The following ZNF510 variants were observed in gnomAD, a reference collection of about 807,000 sequenced individuals.
ZNF510 encodes zinc finger protein 510.
In ZNF510, 15 loss-of-function variants were observed where a neutral mutation model predicts 18.1. That is an observed-to-expected ratio of 0.83 (90% CI 0.55 to 1.28). ZNF510 has a LOEUF of 1.28. ZNF510 is among the 50% of genes most tolerant of loss of function. The pLI, the probability that ZNF510 is intolerant of heterozygous loss-of-function variation, is 0.00. For missense variants in ZNF510, 724 were observed against 791.8 expected, an observed-to-expected ratio of 0.91 and a Z score of 1.03; for synonymous variants, 261 against 266.4, an observed-to-expected ratio of 0.98 and a Z score of 0.20.
rs752312312 is a variant in ZNF510, at chr9:96,759,677, A to AT, written c.1152dup (p.Ser385IlefsTer21). ...ACTCTGTGAACCGACGTCTGGTAGG[A>AT]TTTCTTATTTTCATGATATTCAGAG... On this transcript the variant is annotated frameshift_variant, in exon 6 of 6. Coordinates refer to ENST00000223428, the MANE Select transcript of ZNF510 (RefSeq NM_014930.3). LOFTEE classifies it low-confidence loss of function (END_TRUNC). The AT allele has an allele frequency of 3.1e-6, 5 of 1,613,446 alleles. No individual in the cohort carries two copies. Among genetic ancestry groups the AT allele is most frequent in the Admixed American group, 1.7e-5 (1 of 59,986 alleles).
intron 2 of ZNF510, among the ~76,000 whole-genome samples, chr9:96,775,574 G>A (rs753959450): frequency 2.0e-5 from 3 of 152,062 alleles, no homozygotes; most frequent in South Asian, 2.1e-4. Flanking sequence ...AAAGACTTTC[G>A]ATAAGACACT....
rs1205249016 is a variant in ZNF510 at position 96,757,566 on chromosome 9, CAAAT to C, written c.*1208_*1211del. 6.6e-6 allele frequency: 1 copy of C among 152,082 alleles called. No individual in the cohort carries two copies. Among genetic ancestry groups the C allele is most frequent in the Non-Finnish European group, 1.5e-5 (1 of 68,010 alleles). The allele number at this position is 152,082 out of a possible 1,614,324, so 9.4% of individuals were successfully genotyped here. ...AAGATAACTAAATTATGTGTAGAAA[CAAAT>C]AGACTCAAACATGTGAAAGCTCAAC... On this transcript the variant is annotated 3_prime_UTR_variant, in exon 6 of 6. Coordinates refer to ENST00000223428, the MANE Select transcript of ZNF510 (RefSeq NM_014930.3).
intron 3 of ZNF510, among the ~76,000 whole-genome samples, chr9:96,773,780 T>G (rs955552086): frequency 6.6e-5 from 10 of 152,186 alleles, no homozygotes; most frequent in Admixed American, 3.3e-4. Flanking sequence ...TTCACCACGT[T>G]GGCCAGGCTG....
Position 96,772,638 on chromosome 9 carries a change from T to G in ZNF510, c.129+2150A>C, listed in dbSNP as rs117561495. 2.6e-5 allele frequency among the ~76,000 whole-genome samples: 4 copies of G among 152,262 alleles called. No individual in the cohort carries two copies. The East Asian group carries it at 7.7e-4, about 29-fold the overall frequency. ...AAAACACAAACAATGGTGCCCAACA[T>G]TAGTATTTACCATAGAAAAGCAAAT... On this transcript the variant is annotated intron_variant, in intron 3 of 5. Coordinates refer to ENST00000223428, the MANE Select transcript of ZNF510 (RefSeq NM_014930.3).
Position 96,758,403 on chromosome 9 carries a change from G to T in ZNF510, c.*375C>A. 1 of 173,440 alleles carries T rather than the reference G, an allele frequency of 5.8e-6. No individual in the cohort carries two copies. 10.7% of individuals were successfully genotyped at this position (173,440 alleles called of 1,614,324 possible). A position where few individuals can be genotyped will look rare whatever the true frequency, so the allele number is the denominator to read the frequency against. ...AGTAGCCAGTCACAAAGACCAACCTGGATGAAAAGGAGATTGGGAAATCTG... is the reference window on the plus strand; with the variant it reads ...AGTAGCCAGTCACAAAGACCAACCTTGATGAAAAGGAGATTGGGAAATCTG... On this transcript the variant is annotated 3_prime_UTR_variant, in exon 6 of 6. Transcript: ENST00000223428.
At chr9:96,762,024 TA>T (rs1162379607) in intron 5 of ZNF510, among the ~76,000 whole-genome samples, 3 of 151,834 alleles carry the variant, frequency 2.0e-5, no homozygotes, top group African/African-American at 7.3e-5. Flanking sequence ...TGCAAAGGCA[TA>T]AAAATGATAC....
chr9:96,773,883 A>T (rs928735877), intron 3 of ZNF510, among the ~76,000 whole-genome samples: 4 of 152,092 alleles, frequency 2.6e-5, no homozygotes, highest in African/African-American at 9.7e-5. Flanking sequence ...GCCCCTGTTG[A>T]CATCTTGATC....
rs778488644 is a variant in ZNF510 at position 96,755,856 on chromosome 9, TG to T, written c.*2921del. Reference sequence around the variant, plus strand: ...AAATTCTTATATCCAATGACATCAATGGAAGCGTCAGATAAAGAGACCTTTA... The same window carrying T: ...AAATTCTTATATCCAATGACATCAATGAAGCGTCAGATAAAGAGACCTTTA... On this transcript the variant is annotated 3_prime_UTR_variant, in exon 6 of 6. Coordinates refer to ENST00000223428, the MANE Select transcript of ZNF510 (RefSeq NM_014930.3). 2.0e-5 allele frequency: 3 copies of T among 152,294 alleles called. No homozygotes were observed. Among genetic ancestry groups the T allele is most frequent in the South Asian group, 2.1e-4 (1 of 4,826 alleles). The allele number at this position is 152,294 out of a possible 1,614,324, so 9.4% of individuals were successfully genotyped here. A position where few individuals can be genotyped will look rare whatever the true frequency, so the allele number is the denominator to read the frequency against.
intron 3 of ZNF510, among the ~76,000 whole-genome samples, chr9:96,769,413 G>A (rs1378920556): frequency 6.8e-6 from 1 of 147,276 alleles, no homozygotes; most frequent in Non-Finnish European, 1.5e-5. Flanking sequence ...TTCCAGCCTG[G>A]GCAACAGACA....
At chr9:96,761,932 G>A (rs140368317) in intron 5 of ZNF510, among the ~76,000 whole-genome samples, 140 of 151,860 alleles carry the variant, frequency 9.2e-4, no homozygotes, top group African/African-American at 3.3e-3. Context: ...ATATCTTTTT[G>A]TCAGTCATAC....
intron 1 of ZNF510, chr9:96,777,689 C>T (rs1425864768): frequency 2.0e-5 from 3 of 152,220 alleles, no homozygotes; most frequent in Non-Finnish European, 2.9e-5. Context: ...GGCCTCTCAC[C>T]GCAGACCCAC....
At chr9:96,775,155 G>A (rs1262547961) in intron 2 of ZNF510, among the ~76,000 whole-genome samples, 2 of 151,904 alleles carry the variant, frequency 1.3e-5, no homozygotes, top group African/African-American at 2.4e-5. Context: ...TGCCTCCTGG[G>A]TTCATGCAAT....
Position 96,756,835 on chromosome 9 carries a change from T to G in ZNF510, c.*1943A>C, listed in dbSNP as rs1294366010. On this transcript the variant is annotated 3_prime_UTR_variant, in exon 6 of 6. Coordinates refer to ENST00000223428, the MANE Select transcript of ZNF510 (RefSeq NM_014930.3). ...AAATCACCAGTCACAGAGAGAGACT[T>G]GAAGCCCAAAATGATCAGAGCTGTT... 1 of 152,228 alleles carries G rather than the reference T, an allele frequency of 6.6e-6. No homozygotes were observed. Among genetic ancestry groups the G allele is most frequent in the African/African-American group, 2.4e-5 (1 of 41,450 alleles). The allele number at this position is 152,228 out of a possible 1,614,324, so 9.4% of individuals were successfully genotyped here. A position where few individuals can be genotyped will look rare whatever the true frequency, so the allele number is the denominator to read the frequency against.
At chr9:96,775,210 C>T (rs990166462) in intron 2 of ZNF510, among the ~76,000 whole-genome samples, 5 of 152,002 alleles carry the variant, frequency 3.3e-5, no homozygotes, top group Admixed American at 3.3e-4. Flanking sequence ...AAGGCACCCA[C>T]CACTACACCC....
In ZNF510 at chr9:96,758,696, C is replaced by T; in HGVS notation, c.*82G>A. Reference sequence around the variant, plus strand: ...ACTTCTGGGACTGTCTTCTTACATTCACTACCCTCAATTGGTTTTTTGTGT... The same window carrying T: ...ACTTCTGGGACTGTCTTCTTACATTTACTACCCTCAATTGGTTTTTTGTGT... On this transcript the variant is annotated 3_prime_UTR_variant, in exon 6 of 6. Transcript: ENST00000223428. 2.1e-6 allele frequency: 3 copies of T among 1,396,108 alleles called. No individual in the cohort carries two copies. Among genetic ancestry groups the T allele is most frequent in the Non-Finnish European group, 2.9e-6 (3 of 1,035,480 alleles). 86.5% of individuals were successfully genotyped at this position (1,396,108 alleles called of 1,614,324 possible). A position where few individuals can be genotyped will look rare whatever the true frequency, so the allele number is the denominator to read the frequency against.
chr9:96,775,204 C>T (rs957327621), intron 2 of ZNF510, among the ~76,000 whole-genome samples: 17 of 152,002 alleles, frequency 1.1e-4, no homozygotes, highest in African/African-American at 4.1e-4. Flanking sequence ...GGACCAAAGG[C>T]ACCCACCACT....
rs763036488 is a variant in ZNF510, at chr9:96,759,307, C to T, written c.1523G>A (p.Arg508Lys). Residue 508 changes from arginine (R) to lysine (K), a missense_variant, in exon 6 of 6, where the codon AGA (arginine) becomes AAA (lysine). By Grantham distance (26) the Arg-to-Lys change is conservative. Transcript: ENST00000223428. ...AAAGGATTTCTCCCCTGTGTGAATT[C>T]TGTGATGATCTCTGAGGGTGGACTT... ...VQKSTLRDHH[R>K]IHTGEKSFQC... 1.2e-5 allele frequency: 20 copies of T among 1,614,006 alleles called. No homozygotes were observed. In the East Asian group the frequency reaches 4.0e-4, roughly 32 times the overall value.
intron 5 of ZNF510, among the ~76,000 whole-genome samples, chr9:96,760,692 A>G (rs1457903885): frequency 2.6e-5 from 4 of 152,192 alleles, no homozygotes; most frequent in African/African-American, 4.8e-5. Context: ...TAATGAATAC[A>G]TATTTTGCAT....
At position 96,758,635 on chromosome 9, in the gene ZNF510, T is replaced by C; in HGVS notation, c.*143A>G. On this transcript the variant is annotated 3_prime_UTR_variant, in exon 6 of 6. Transcript: ENST00000223428. ...CTGCATTCATCTTCATCTGGTTTCT[T>C]TCCTATGTGAATTCTCTGATTCACA... 2 of 827,814 alleles carry C rather than the reference T, an allele frequency of 2.4e-6. No homozygotes were observed. Among genetic ancestry groups the C allele is most frequent in the Non-Finnish European group, 1.8e-6 (1 of 550,888 alleles). The allele number at this position is 827,814 out of a possible 1,614,324, so 51.3% of individuals were successfully genotyped here.
Sources: allele counts gnomAD v4.1 joint callset (sites outside exome capture counted in the v4.1 genomes callset), GRCh38; gene constraint gnomAD v4.1.1; transcripts MANE v1.5; gene names NCBI Gene and HGNC (gene_info 2026-07-23, HGNC 2026-07-21).